The following CACNA2D3 variants were observed in gnomAD, a reference collection of about 807,000 sequenced individuals.
CACNA2D3 encodes the protein voltage-dependent calcium channel subunit alpha-2/delta-3.
In CACNA2D3, 60 loss-of-function variants were observed where a neutral mutation model predicts 160.6. The ratio of observed to expected loss-of-function variants is 0.37; its 90% CI spans 0.30 to 0.46. The LOEUF is 0.46. Among genes scored for constraint, CACNA2D3 ranks in the 20% least tolerant of loss-of-function variants. The pLI is 1.00. For synonymous variants in CACNA2D3, 558 were observed against 492.9 expected (o/e 1.13, Z -1.75); for missense variants, 1,205 against 1,365.0 (o/e 0.88, Z 1.85).
At chr3:54,241,995 C>T (rs1039935256) in intron 2 of CACNA2D3, among the ~76,000 whole-genome samples, 2 of 152,166 alleles carry the variant, frequency 1.3e-5, no homozygotes, top group African/African-American at 4.8e-5. Flanking sequence ...CCAGGGCCCC[C>T]AGTGGATTCC....
At chr3:54,313,932 G>A (rs769241647) in intron 2 of CACNA2D3, among the ~76,000 whole-genome samples, 23 of 143,500 alleles carry the variant, frequency 1.6e-4, no homozygotes, top group Non-Finnish European at 3.0e-4. Flanking sequence ...TTGGGGAACA[G>A]GTAGTGTTTG....
intron 27 of CACNA2D3, among the ~76,000 whole-genome samples, chr3:54,962,003 G>A (rs989339689): frequency 1.3e-5 from 2 of 151,950 alleles, no homozygotes; most frequent in African/African-American, 4.8e-5. Context: ...TGCTCACTCA[G>A]GTCTCTCTCC....
intron 17 of CACNA2D3, among the ~76,000 whole-genome samples, chr3:54,858,822 A>G (rs1192603673): frequency 6.6e-6 from 1 of 152,210 alleles, no homozygotes; most frequent in Non-Finnish European, 1.5e-5. Flanking sequence ...AGATGCCCAC[A>G]TTCATTTGAA....
chr3:54,916,161 G>T (rs1490075986), intron 27 of CACNA2D3, among the ~76,000 whole-genome samples: 3 of 152,180 alleles, frequency 2.0e-5, no homozygotes, highest in Non-Finnish European at 4.4e-5. Context: ...GGCTCATGGG[G>T]TGGGTGTCAG....
rs180967676 is a variant in CACNA2D3 at position 54,261,066 on chromosome 3, T to C, written c.205-59376T>C. 1.4e-4 allele frequency among the ~76,000 whole-genome samples: 22 copies of C among 152,374 alleles called. No individual in the cohort carries two copies. The East Asian group carries it at 3.9e-3, about 27-fold the overall frequency. ...TGCTATATCTTTGACACCTATGTCCTGGCGCATAGTAGATGCTCAGTTTTA... is the reference window on the plus strand; with the variant it reads ...TGCTATATCTTTGACACCTATGTCCCGGCGCATAGTAGATGCTCAGTTTTA... On this transcript the variant is annotated intron_variant, in intron 2 of 37. Transcript: ENST00000474759.
chr3:54,374,840 G>C (rs985972361), intron 3 of CACNA2D3, among the ~76,000 whole-genome samples: 1 of 151,850 alleles, frequency 6.6e-6, no homozygotes, highest in Non-Finnish European at 1.5e-5. Context: ...AATCTTTCTC[G>C]TTATTGTCTT....
intron 4 of CACNA2D3, among the ~76,000 whole-genome samples, chr3:54,501,051 C>T (rs1701286644): frequency 6.6e-6 from 1 of 152,120 alleles, no homozygotes; most frequent in African/African-American, 2.4e-5. Flanking sequence ...GTTTCCTCAC[C>T]TGGTAGAAGA....
At chr3:55,052,622 CT>C (rs1223046822) in intron 35 of CACNA2D3, among the ~76,000 whole-genome samples, 3 of 152,068 alleles carry the variant, frequency 2.0e-5, no homozygotes, top group African/African-American at 4.8e-5. Flanking sequence ...GTTTATTTCT[CT>C]TTCAATGTGT....
chr3:54,963,576 A>G (rs563820022), intron 27 of CACNA2D3, among the ~76,000 whole-genome samples: 3 of 152,348 alleles, frequency 2.0e-5, no homozygotes, highest in South Asian at 2.1e-4. Context: ...TGGACAGCAC[A>G]GGATCAGAGC....
chr3:54,583,916 A>G (rs1234347556), intron 9 of CACNA2D3, among the ~76,000 whole-genome samples: 1 of 151,938 alleles, frequency 6.6e-6, no homozygotes, highest in African/African-American at 2.4e-5. Context: ...AAAAAAAAAA[A>G]GAAAGTCCCA....
At chr3:54,224,450 T>G (rs1371014118) in intron 2 of CACNA2D3, among the ~76,000 whole-genome samples, 1 of 152,224 alleles carries the variant, frequency 6.6e-6, no homozygotes, top group Non-Finnish European at 1.5e-5. Context: ...TAGGTTTGTT[T>G]ACACCAGCTT....
intron 4 of CACNA2D3, among the ~76,000 whole-genome samples, chr3:54,411,600 C>T (rs1378699863): frequency 6.6e-6 from 1 of 152,152 alleles, no homozygotes; most frequent in African/African-American, 2.4e-5. Flanking sequence ...CTATTGCACA[C>T]TTAATAGACT....
At chr3:54,679,693 T>A in intron 11 of CACNA2D3, among the ~76,000 whole-genome samples, 1 of 152,230 alleles carries the variant, frequency 6.6e-6, no homozygotes, top group East Asian at 1.9e-4. Flanking sequence ...ATGCAGACCA[T>A]TCTTTGAAAA....
intron 4 of CACNA2D3, among the ~76,000 whole-genome samples, chr3:54,387,588 G>A (rs531025851): frequency 4.6e-5 from 7 of 152,342 alleles, no homozygotes; most frequent in East Asian, 3.9e-4. Context: ...GGCAGCAGAC[G>A]TTGCAGTGAG....
At position 54,170,669 on chromosome 3, in the gene CACNA2D3, T is replaced by C. The variant is rs374305856; in HGVS notation, c.204+47075T>C. 7.9e-5 allele frequency among the ~76,000 whole-genome samples: 12 copies of C among 152,254 alleles called. 1 individual carries two copies. The highest frequency in any genetic ancestry group is 2.9e-4 in the African/African-American group (12 of 41,546). On this transcript the variant is annotated intron_variant, in intron 2 of 37. Coordinates refer to ENST00000474759, the MANE Select transcript of CACNA2D3 (RefSeq NM_018398.3). ...CCTTCCTCCTTTCAGTTCAGCAATA[T>C]CAGCCAAGGGCAGATCAGTGAGTAA...
At position 54,736,018 on chromosome 3, in the gene CACNA2D3, C is replaced by CACATACATATATATGTATATATATAT. The variant is rs1559563464; in HGVS notation, c.1168-16567_1168-16566insGTATATATATATACATACATATATAT. Among the ~76,000 whole-genome samples the CACATACATATATATGTATATATATAT allele has an allele frequency of 1.1e-3, 92 of 80,894 alleles. 9 individuals are homozygous for CACATACATATATATGTATATATATAT. The highest frequency in any genetic ancestry group is 5.0e-3 in the African/African-American group (89 of 17,782). 53.1% of individuals were successfully genotyped at this position (80,894 alleles called of 152,430 possible). A position where few individuals can be genotyped will look rare whatever the true frequency, so the allele number is the denominator to read the frequency against. On this transcript the variant is annotated intron_variant, in intron 11 of 37. Coordinates refer to ENST00000474759, the MANE Select transcript of CACNA2D3 (RefSeq NM_018398.3). ...ACATATATATATATGTATATATATA[C>CACATACATATATATGTATATATATAT]ACATACATATATATATGTATATATA... is the stretch of plus-strand genomic sequence containing the variant.
chr3:54,514,773 G>T (rs574323973), intron 5 of CACNA2D3, among the ~76,000 whole-genome samples: 17 of 152,274 alleles, frequency 1.1e-4, no homozygotes, highest in African/African-American at 3.9e-4. Context: ...CAGGGGCTGG[G>T]GTGGGGTGGG....
chr3:54,385,348 A>G (rs1699170155), intron 3 of CACNA2D3, among the ~76,000 whole-genome samples: 1 of 152,150 alleles, frequency 6.6e-6, no homozygotes, highest in South Asian at 2.1e-4. Flanking sequence ...AGGCTCAGAC[A>G]GGGGAAGGGT....
At chr3:54,929,475 A>G (rs1701127523) in intron 27 of CACNA2D3, among the ~76,000 whole-genome samples, 2 of 152,170 alleles carry the variant, frequency 1.3e-5, no homozygotes, top group African/African-American at 2.4e-5. Context: ...ATGGAAGTTG[A>G]AAACATCAAA....
Sources: allele counts gnomAD v4.1 joint callset (sites outside exome capture counted in the v4.1 genomes callset), GRCh38; gene constraint gnomAD v4.1.1; transcripts MANE v1.5; gene names NCBI Gene and HGNC (gene_info 2026-07-23, HGNC 2026-07-21).